SERPINB8: variants seen among roughly 807,000 people sequenced by gnomAD.
SERPINB8 encodes serpin B8.
Under a neutral mutation model 35.3 loss-of-function variants are expected in SERPINB8, and 25 were observed. That is an observed-to-expected ratio of 0.71 (90% CI 0.52 to 0.99). The LOEUF (loss-of-function observed/expected upper bound fraction) is 0.99. Ranked by LOEUF, SERPINB8 falls within the 50% of genes least tolerant of loss-of-function variation. SERPINB8 has a pLI of 0.00. For synonymous variants in SERPINB8, 186 were observed against 160.8 expected (o/e 1.16, Z -1.19); for missense variants, 484 against 446.5 (o/e 1.08, Z -0.76).
intron 6 of SERPINB8, 125 bp from the exon 7 acceptor site, chr18:63,986,747 CTG>C: frequency 7.2e-7 from 1 of 1,391,438 alleles, no homozygotes; most frequent in Non-Finnish European, 9.6e-7. Flanking sequence ...AAGAAAATAT[CTG>C]TAGATTTTCT....
chr18:63,988,865 T>G lies in SERPINB8; in HGVS notation c.*1587T>G, dbSNP rs2050800033. The G allele has an allele frequency of 1.3e-5, 2 of 151,392 alleles. No homozygotes were observed. The highest frequency in any genetic ancestry group is 2.4e-5 in the African/African-American group (1 of 40,974). The allele number at this position is 151,392 out of a possible 1,614,324, so 9.4% of individuals were successfully genotyped here. ...TTTGTTCTCACTTCCACCTCTAATT[T>G]GAAGAACACTTTAATTGACACAGAA... is the stretch of plus-strand genomic sequence containing the variant. On this transcript the variant is annotated 3_prime_UTR_variant, in exon 7 of 7. Coordinates refer to ENST00000397985, the MANE Select transcript of SERPINB8 (RefSeq NM_002640.4).
At chr18:64,004,684 A>C in intron 1 of SERPINB8, 1 of 393,968 alleles carries the variant, frequency 2.5e-6, no homozygotes, top group East Asian at 3.6e-5. Context: ...TCACTTATTT[A>C]TTTACATTCA....
chr18:63,986,589 A>G (rs922239698), intron 6 of SERPINB8: 5 of 1,311,630 alleles, frequency 3.8e-6, no homozygotes, highest in Middle Eastern at 5.7e-4. Flanking sequence ...CTGTTAAAAA[A>G]TGTTTTTAAC....
intron 1 of SERPINB8, among the ~76,000 whole-genome samples, chr18:63,977,994 A>G (rs958718191): frequency 6.6e-6 from 1 of 152,036 alleles, no homozygotes; most frequent in African/African-American, 2.4e-5. Flanking sequence ...TTCCGTCCTC[A>G]TGTCTCTGTC....
chr18:63,987,997 T>C lies in SERPINB8; in HGVS notation c.*719T>C, dbSNP rs1250444071. On this transcript the variant is annotated 3_prime_UTR_variant, in exon 7 of 7. Coordinates refer to ENST00000397985, the MANE Select transcript of SERPINB8 (RefSeq NM_002640.4). ...CACCACTGAGTCCTCTAACTAATCA[T>C]ATGTGCTCAGACACAGCTCAAGCAC... 1 of 152,160 alleles carries C rather than the reference T, an allele frequency of 6.6e-6. No individual in the cohort carries two copies. The highest frequency in any genetic ancestry group is 1.5e-5 in the Non-Finnish European group (1 of 68,020). 9.4% of individuals were successfully genotyped at this position (152,160 alleles called of 1,614,324 possible). A position where few individuals can be genotyped will look rare whatever the true frequency, so the allele number is the denominator to read the frequency against.
At chr18:64,003,230 C>T (rs1357548722) in intron 1 of SERPINB8, among the ~76,000 whole-genome samples, 1 of 152,136 alleles carries the variant, frequency 6.6e-6, no homozygotes, top group Non-Finnish European at 1.5e-5. Context: ...GAGTTGGGGC[C>T]ACCGGGACTG....
chr18:64,016,533 C>T (rs896643718), intron 7 of SERPINB8, among the ~76,000 whole-genome samples: 4 of 152,010 alleles, frequency 2.6e-5, no homozygotes, highest in African/African-American at 9.7e-5. Flanking sequence ...TAAGGGAAGT[C>T]AGTGATTAAA....
intron 1 of SERPINB8, among the ~76,000 whole-genome samples, chr18:63,975,296 C>A (rs896651484): frequency 6.6e-6 from 1 of 152,078 alleles, no homozygotes; most frequent in African/African-American, 2.4e-5. Flanking sequence ...TGGCCCAGTT[C>A]TATGAAGTCT....
At chr18:63,986,466 C>G in intron 6 of SERPINB8, 1 of 1,389,902 alleles carries the variant, frequency 7.2e-7, no homozygotes, top group Non-Finnish European at 9.3e-7. Flanking sequence ...TCATTAGACT[C>G]AGAAGCAGAG....
At chr18:63,983,779 A>C (rs1336884426) in intron 5 of SERPINB8, 58 bp downstream of exon 5, 3 of 1,179,924 alleles carry the variant, frequency 2.5e-6, no homozygotes, top group Non-Finnish European at 1.3e-6. Flanking sequence ...TACAGGAAAT[A>C]TTCTCTTGGA....
downstream of SERPINB8, among the ~76,000 whole-genome samples, chr18:64,009,839 A>G (rs2050917769): frequency 6.6e-6 from 1 of 152,238 alleles, no homozygotes. Flanking sequence ...AAGTTCTACC[A>G]GAAAGTATGG....
In SERPINB8 at chr18:63,987,187, C is replaced by G. The variant is rs1336106329; in HGVS notation, c.1034C>G (p.Pro345Arg). Residue 345 changes from proline to arginine, a missense_variant, in exon 7 of 7, where the codon CCA (proline) becomes CGA (arginine). By Grantham distance (103) the Pro-to-Arg change is moderately radical (BLOSUM62 -2). Coordinates refer to ENST00000397985, the MANE Select transcript of SERPINB8 (RefSeq NM_002640.4). ...VRNSRCSRMEPRFCADHPFLF... is the reference protein window; with the variant it reads ...VRNSRCSRMERRFCADHPFLF... ...AATTCCCGGTGCAGCAGAATGGAGCCAAGATTCTGTGCAGACCACCCTTTT... is the reference window on the plus strand; with the variant it reads ...AATTCCCGGTGCAGCAGAATGGAGCGAAGATTCTGTGCAGACCACCCTTTT... The G allele has an allele frequency of 2.5e-6, 4 of 1,614,042 alleles. No homozygotes were observed. Among genetic ancestry groups the G allele is most frequent in the Non-Finnish European group, 3.4e-6 (4 of 1,180,046 alleles).
At chr18:64,007,085 G>A (rs1459965217), downstream of SERPINB8, among the ~76,000 whole-genome samples, 1 of 151,630 alleles carries the variant, frequency 6.6e-6, no homozygotes, top group Admixed American at 6.6e-5. Flanking sequence ...AAGATTAACT[G>A]CAATGAAAAA....
chr18:64,007,671 C>T (rs958234241), downstream of SERPINB8, among the ~76,000 whole-genome samples: 1 of 152,264 alleles, frequency 6.6e-6, no homozygotes, highest in Non-Finnish European at 1.5e-5. Flanking sequence ...GCAGGCATGT[C>T]TTACATGGTT....
chr18:64,002,706 C>A (rs1226795613), intron 1 of SERPINB8, among the ~76,000 whole-genome samples: 2 of 150,834 alleles, frequency 1.3e-5, no homozygotes, highest in African/African-American at 4.9e-5. Context: ...CCGGGGAGGG[C>A]GGGTGCTGGG....
intron 1 of SERPINB8, among the ~76,000 whole-genome samples, chr18:64,000,307 G>A (rs2050868214): frequency 1.3e-5 from 2 of 152,126 alleles, no homozygotes; most frequent in Non-Finnish European, 2.9e-5. Context: ...CTAATTACCG[G>A]GTTATTGTCA....
At chr18:63,974,550 A>G (rs1311161781) in intron 1 of SERPINB8, among the ~76,000 whole-genome samples, 2 of 152,212 alleles carry the variant, frequency 1.3e-5, no homozygotes, top group Non-Finnish European at 2.9e-5. Context: ...CCTGAAAAGG[A>G]AAAACTAGTT....
chr18:63,981,654 C>T lies in SERPINB8; in HGVS notation c.307-67C>T, dbSNP rs1365228697. 3 of 1,094,246 alleles carry T rather than the reference C, an allele frequency of 2.7e-6. No individual in the cohort carries two copies. The Admixed American group carries it at 5.8e-5, about 21-fold the overall frequency. The allele number at this position is 1,094,246 out of a possible 1,614,324, so 67.8% of individuals were successfully genotyped here. Reference sequence around the variant, plus strand: ...ATTGTAGAAATGCAGTAAGAGAAAACAAAATGCTTTTGCATTTGTGGGAAC... The same window carrying T: ...ATTGTAGAAATGCAGTAAGAGAAAATAAAATGCTTTTGCATTTGTGGGAAC... On this transcript the variant is annotated intron_variant, in intron 3 of 6. Transcript: ENST00000397985.
At chr18:64,012,567 ATGTATG>A (rs1168710914) in intron 7 of SERPINB8, among the ~76,000 whole-genome samples, 2 of 106,898 alleles carry the variant, frequency 1.9e-5, no homozygotes, top group Non-Finnish European at 4.0e-5. Flanking sequence ...ATATCTGTGT[ATGTATG>A]TGTGTGTGTG....
Sources: gnomAD v4.1 joint callset for allele counts (sites outside exome capture counted in the v4.1 genomes callset) on GRCh38, gnomAD v4.1.1 for gene constraint, MANE v1.5 for transcripts, NCBI Gene and HGNC (gene_info 2026-07-23, HGNC 2026-07-21) for gene names.